WDR70: variants seen among roughly 807,000 people sequenced by gnomAD.
WDR70 encodes WD repeat domain 70, also known as WD repeat-containing protein 70.
Under a neutral mutation model 88.6 loss-of-function variants are expected in WDR70, and 53 were observed. That is an observed-to-expected ratio of 0.60 (90% CI 0.48 to 0.75). The LOEUF is 0.75. Ranked by LOEUF, WDR70 falls within the 30% of genes least tolerant of loss-of-function variation. The pLI is 0.00. For synonymous variants in WDR70, 280 were observed against 270.0 expected, an observed-to-expected ratio of 1.04 and a Z score of -0.36; for missense variants, 610 against 823.2, an observed-to-expected ratio of 0.74 and a Z score of 3.17.
intron 13 of WDR70, among the ~76,000 whole-genome samples, chr5:37,720,125 A>G (rs992286520): frequency 9.2e-5 from 14 of 152,206 alleles, no homozygotes; most frequent in Non-Finnish European, 1.8e-4. Flanking sequence ...TAGATTTAGG[A>G]GACGTAGTCA....
intron 10 of WDR70, among the ~76,000 whole-genome samples, chr5:37,624,939 T>C (rs1436591622): frequency 6.6e-6 from 1 of 152,168 alleles, no homozygotes; most frequent in Admixed American, 6.5e-5. Context: ...GATAATTCCT[T>C]TGTGGTCAGT....
At chr5:37,527,778 A>G (rs1024334871) in intron 9 of WDR70, among the ~76,000 whole-genome samples, 18 of 152,264 alleles carry the variant, frequency 1.2e-4, no homozygotes, top group African/African-American at 4.1e-4. Flanking sequence ...ACTCAAAGAA[A>G]CTTACAAGAA....
At chr5:37,545,865 C>T (rs935584509) in intron 9 of WDR70, among the ~76,000 whole-genome samples, 1 of 152,112 alleles carries the variant, frequency 6.6e-6, no homozygotes, top group Non-Finnish European at 1.5e-5. Flanking sequence ...TAGTTACCAA[C>T]ACTTAAAAAG....
intron 10 of WDR70, among the ~76,000 whole-genome samples, chr5:37,635,890 A>G (rs781473193): frequency 2.4e-4 from 36 of 151,890 alleles, no homozygotes; most frequent in Non-Finnish European, 4.4e-4. Context: ...TAGTGAGTGA[A>G]TTTTCACGAG....
chr5:37,671,337 T>C (rs1746018431), intron 10 of WDR70, among the ~76,000 whole-genome samples: 1 of 152,172 alleles, frequency 6.6e-6, no homozygotes, highest in Non-Finnish European at 1.5e-5. Context: ...ATGATAGACT[T>C]AATAAACCTG....
chr5:37,573,852 C>T (rs771750124), intron 9 of WDR70, among the ~76,000 whole-genome samples: 1 of 152,152 alleles, frequency 6.6e-6, no homozygotes, highest in Non-Finnish European at 1.5e-5. Context: ...GGTTAGTTCT[C>T]TCTCCTTTCC....
At chr5:37,484,759 A>G (rs1739804669) in intron 8 of WDR70, among the ~76,000 whole-genome samples, 1 of 152,328 alleles carries the variant, frequency 6.6e-6, no homozygotes, top group Non-Finnish European at 1.5e-5. Context: ...TGGCTTGGTG[A>G]GGCTGCAAGC....
intron 11 of WDR70, chr5:37,698,036 C>G: frequency 3.6e-6 from 1 of 279,150 alleles, no homozygotes; most frequent in Non-Finnish European, 6.9e-6. Flanking sequence ...ATGATCCTTG[C>G]TTCTGCCTTG....
chr5:37,406,512 G>C (rs893832976), intron 5 of WDR70, among the ~76,000 whole-genome samples: 2 of 152,142 alleles, frequency 1.3e-5, no homozygotes, highest in Non-Finnish European at 2.9e-5. Context: ...GTGATTTTGG[G>C]CACATTATTT....
At chr5:37,415,704 A>G (rs1749711227) in intron 5 of WDR70, among the ~76,000 whole-genome samples, 1 of 148,116 alleles carries the variant, frequency 6.8e-6, no homozygotes. Context: ...GGGGCTCCTC[A>G]CTTCTCAGAC....
intron 8 of WDR70, among the ~76,000 whole-genome samples, chr5:37,500,019 G>A (rs1298840222): frequency 6.6e-6 from 1 of 152,170 alleles, no homozygotes; most frequent in East Asian, 1.9e-4. Context: ...CAGTGGTGAA[G>A]TGTGAGATTT....
chr5:37,452,759 A>G (rs2112083225), intron 7 of WDR70, among the ~76,000 whole-genome samples: 1 of 152,332 alleles, frequency 6.6e-6, no homozygotes, highest in East Asian at 1.9e-4. Context: ...ATGTTTTCAA[A>G]CCATCTCCTC....
At chr5:37,705,683 C>T (rs1004305919) in intron 13 of WDR70, among the ~76,000 whole-genome samples, 1 of 151,770 alleles carries the variant, frequency 6.6e-6, no homozygotes, top group South Asian at 2.1e-4. Context: ...AAAAGGTGGA[C>T]ACTTTGCTAG....
intron 8 of WDR70, among the ~76,000 whole-genome samples, chr5:37,510,396 G>A (rs1740689540): frequency 6.6e-6 from 1 of 152,092 alleles, no homozygotes; most frequent in Non-Finnish European, 1.5e-5. Flanking sequence ...AGTTGTAAAC[G>A]TCATGCTCTT....
chr5:37,396,508 C>A lies in WDR70; in HGVS notation c.430C>A (p.Pro144Thr). 6.2e-7 allele frequency: 1 copy of A among 1,613,770 alleles called. No individual in the cohort carries two copies. Among genetic ancestry groups the A allele is most frequent in the East Asian group, 2.2e-5 (1 of 44,876 alleles). Residue 144 changes from proline to threonine, a missense_variant, in exon 5 of 18, where the codon CCA (proline) becomes ACA (threonine). By Grantham distance (38) the Pro-to-Thr change is conservative. This residue lies in a region of WDR70 where 203 missense variants were observed against 228.1 expected (regional missense o/e 0.89). Coordinates refer to ENST00000265107, the MANE Select transcript of WDR70 (RefSeq NM_018034.4). ...MEEDILGPLP[P>T]PLNEEEEEAE... Reference sequence around the variant, plus strand: ...GGAAGATATCCTCGGTCCTTTACCTCCACCTCTTAATGAAGAAGAAGAAGA... The same window carrying A: ...GGAAGATATCCTCGGTCCTTTACCTACACCTCTTAATGAAGAAGAAGAAGA...
chr5:37,685,163 C>G (rs1476973594), intron 10 of WDR70, among the ~76,000 whole-genome samples: 1 of 152,010 alleles, frequency 6.6e-6, no homozygotes, highest in Non-Finnish European at 1.5e-5. Flanking sequence ...CTGTGCCCAC[C>G]AAGGCACTGA....
chr5:37,582,159 G>A (rs1342748472), intron 9 of WDR70, among the ~76,000 whole-genome samples: 1 of 152,054 alleles, frequency 6.6e-6, no homozygotes, highest in African/African-American at 2.4e-5. Flanking sequence ...GTTATAGAAT[G>A]GGTCATTTTT....
intron 17 of WDR70, among the ~76,000 whole-genome samples, chr5:37,736,191 G>C (rs1200492565): frequency 6.6e-6 from 1 of 152,154 alleles, no homozygotes; most frequent in African/African-American, 2.4e-5. Context: ...GTGTGTGGGA[G>C]CCTGGACCCT....
chr5:37,621,062 T>G (rs1744492879), intron 10 of WDR70, among the ~76,000 whole-genome samples: 1 of 151,994 alleles, frequency 6.6e-6, no homozygotes, highest in East Asian at 1.9e-4. Flanking sequence ...AAGCTAAAAT[T>G]TACCAGATTG....
Sources: allele counts gnomAD v4.1 joint callset (sites outside exome capture counted in the v4.1 genomes callset), GRCh38; gene constraint gnomAD v4.1.1; regional missense constraint gnomAD v4.1.1; transcripts MANE v1.5; gene names NCBI Gene and HGNC (gene_info 2026-07-23, HGNC 2026-07-21).